AGPAT3: variants seen among roughly 807,000 people sequenced by gnomAD.
The protein encoded by AGPAT3 is 1-acylglycerol-3-phosphate O-acyltransferase 3, also known as 1-acyl-sn-glycerol-3-phosphate acyltransferase gamma.
Under a neutral mutation model 47.3 loss-of-function variants are expected in AGPAT3, and 5 were observed. That is an observed-to-expected ratio of 0.11 (90% CI 0.06 to 0.22). The LOEUF (loss-of-function observed/expected upper bound fraction) is 0.22, where lower values mean the gene tolerates loss of function less well. Ranked by LOEUF, AGPAT3 falls within the 10% of genes least tolerant of loss-of-function variation. AGPAT3 has a pLI of 1.00. For missense variants in AGPAT3, 315 were observed against 493.0 expected, an observed-to-expected ratio of 0.64 and a Z score of 3.42; for synonymous variants, 212 against 208.3, an observed-to-expected ratio of 1.02 and a Z score of -0.15.
At chr21:43,916,942 G>A (rs2086744721) in intron 2 of AGPAT3, among the ~76,000 whole-genome samples, 2 of 152,182 alleles carry the variant, frequency 1.3e-5, no homozygotes, top group African/African-American at 2.4e-5. Context: ...TCGTGCTCGT[G>A]TCTGTATCTA....
At chr21:43,936,193 C>G (rs2087441340) in intron 2 of AGPAT3, among the ~76,000 whole-genome samples, 2 of 152,240 alleles carry the variant, frequency 1.3e-5, no homozygotes, top group African/African-American at 4.8e-5. Context: ...CCCAAAGAGT[C>G]CAGGACTGAA....
At chr21:43,929,178 T>C (rs1176187146) in intron 2 of AGPAT3, among the ~76,000 whole-genome samples, 1 of 152,238 alleles carries the variant, frequency 6.6e-6, no homozygotes, top group African/African-American at 2.4e-5. Flanking sequence ...GGGAGCTCTG[T>C]GTGCCCACCT....
At chr21:43,964,221 C>T (rs980733077) in intron 3 of AGPAT3, among the ~76,000 whole-genome samples, 26 of 151,092 alleles carry the variant, frequency 1.7e-4, no homozygotes, top group African/African-American at 6.1e-4. Flanking sequence ...CCCATCTCTA[C>T]TAAAAATACA....
At chr21:43,980,308 A>T (rs1601487616) in intron 8 of AGPAT3, among the ~76,000 whole-genome samples, 1 of 147,710 alleles carries the variant, frequency 6.8e-6, no homozygotes, top group Non-Finnish European at 1.5e-5. Flanking sequence ...AAAACGAGAG[A>T]GTTGATGGTG....
chr21:43,938,005 C>T (rs1016748466), intron 2 of AGPAT3, among the ~76,000 whole-genome samples: 3 of 152,022 alleles, frequency 2.0e-5, no homozygotes, highest in African/African-American at 4.8e-5. Flanking sequence ...TCTGGGTCCT[C>T]GCTGCAGAGG....
chr21:43,905,886 G>A (rs925609623), intron 2 of AGPAT3, among the ~76,000 whole-genome samples: 1 of 152,212 alleles, frequency 6.6e-6, no homozygotes, highest in Non-Finnish European at 1.5e-5. Context: ...GGGCTGGGGG[G>A]CCAGAGGGCT....
At position 43,987,304 on chromosome 21, in the gene AGPAT3, GCCCT is replaced by G. The variant is rs886509155; in HGVS notation, c.*4917_*4920del. ...CATCCTGCCGATGGCACTTTTCAAG[GCCCT>G]CCCTTCCCTACGAGTTGCTTTCTGG... On this transcript the variant is annotated 3_prime_UTR_variant, in exon 10 of 10. Transcript: ENST00000291572. Among the ~76,000 whole-genome samples the G allele has an allele frequency of 4.6e-5, 7 of 152,182 alleles. No individual in the cohort carries two copies. Among genetic ancestry groups the G allele is most frequent in the African/African-American group, 1.7e-4 (7 of 41,428 alleles).
chr21:43,890,167 T>A (rs2086070684), intron 1 of AGPAT3, among the ~76,000 whole-genome samples: 3 of 152,198 alleles, frequency 2.0e-5, no homozygotes, highest in Admixed American at 1.3e-4. Context: ...TTTAACACCG[T>A]CCCCCTAGTG....
At chr21:43,901,391 T>C (rs1458344931) in intron 1 of AGPAT3, among the ~76,000 whole-genome samples, 1 of 150,984 alleles carries the variant, frequency 6.6e-6, no homozygotes, top group Non-Finnish European at 1.5e-5. Flanking sequence ...ATGATAGAGC[T>C]AGCAGGCAAG....
intron 2 of AGPAT3, among the ~76,000 whole-genome samples, chr21:43,917,390 G>A (rs1022206821): frequency 6.6e-6 from 1 of 152,162 alleles, no homozygotes; most frequent in Non-Finnish European, 1.5e-5. Context: ...GTTTTATAGA[G>A]TGCAGCTTTA....
At chr21:43,928,282 A>G (rs2146254184) in intron 2 of AGPAT3, among the ~76,000 whole-genome samples, 1 of 152,320 alleles carries the variant, frequency 6.6e-6, no homozygotes, top group East Asian at 1.9e-4. Flanking sequence ...TGAGTTCGAC[A>G]CGGCCACTGT....
At chr21:43,901,496 C>T (rs949820178) in intron 1 of AGPAT3, among the ~76,000 whole-genome samples, 1 of 151,872 alleles carries the variant, frequency 6.6e-6, no homozygotes, top group South Asian at 2.1e-4. Flanking sequence ...AAAAAAAAGA[C>T]CTAGGGCCGG....
rs1024036029 is a variant in AGPAT3 at position 43,984,119 on chromosome 21, C to G, written c.*1727C>G. ...TCGCAGGGGTGAAGGGGCAGACCAA[C>G]GAAACCAGATGAGACCAACGACACC... On this transcript the variant is annotated 3_prime_UTR_variant, in exon 10 of 10. Coordinates refer to ENST00000291572, the MANE Select transcript of AGPAT3 (RefSeq NM_020132.5). The G allele has an allele frequency of 6.6e-6, 1 of 152,274 alleles. No homozygotes were observed. The highest frequency in any genetic ancestry group is 1.9e-4 in the East Asian group (1 of 5,198). 9.4% of individuals were successfully genotyped at this position (152,274 alleles called of 1,614,324 possible). A position where few individuals can be genotyped will look rare whatever the true frequency, so the allele number is the denominator to read the frequency against.
chr21:43,968,518 A>C (rs764574957), intron 4 of AGPAT3, among the ~76,000 whole-genome samples: 1 of 150,878 alleles, frequency 6.6e-6, no homozygotes, highest in African/African-American at 2.4e-5. Flanking sequence ...TTCCCAGGGA[A>C]AGGGCTAGGG....
intron 8 of AGPAT3, among the ~76,000 whole-genome samples, chr21:43,979,788 G>A (rs2089773996): frequency 6.6e-6 from 1 of 152,214 alleles, no homozygotes; most frequent in South Asian, 2.1e-4. Context: ...ACATTCCGGA[G>A]GCAGGGAGCT....
chr21:43,897,577 A>C (rs74552409), intron 1 of AGPAT3, among the ~76,000 whole-genome samples: 6,830 of 127,054 alleles, frequency 0.054, 365 homozygotes, highest in African/African-American at 0.15. Context: ...CGCTCCTCAC[A>C]TCCCAGACGG....
chr21:43,865,575 G>T (rs186151975), intron 1 of AGPAT3, among the ~76,000 whole-genome samples: 2,843 of 149,590 alleles, frequency 0.019, 92 homozygotes, highest in African/African-American at 0.064. Context: ...TGCGCCCCCC[G>T]CAACCCCGGC....
intron 8 of AGPAT3, 131 bp downstream of exon 8, chr21:43,978,252 C>A: frequency 1.7e-6 from 1 of 603,182 alleles, no homozygotes. Context: ...CTAAATACTC[C>A]TGATCCTTCT....
chr21:43,938,117 GACACACAC>G (rs60019728), intron 2 of AGPAT3, among the ~76,000 whole-genome samples: 3 of 147,378 alleles, frequency 2.0e-5, no homozygotes, highest in Admixed American at 6.8e-5. Context: ...CACACACACA[GACACACAC>G]ACACACACAC....
Sources: gnomAD v4.1 joint callset for allele counts (sites outside exome capture counted in the v4.1 genomes callset) on GRCh38, gnomAD v4.1.1 for gene constraint, MANE v1.5 for transcripts, NCBI Gene and HGNC (gene_info 2026-07-23, HGNC 2026-07-21) for gene names.